ARRDC5: variants seen among roughly 807,000 people sequenced by gnomAD.
ARRDC5 encodes the protein arrestin domain-containing protein 5.
A neutral mutation model predicts 13.3 loss-of-function variants in ARRDC5; 12 were observed. The observed-to-expected ratio is 0.90, with a 90% CI of 0.58 to 1.46. The LOEUF is 1.46. ARRDC5 is among the 40% of genes most tolerant of loss of function. The probability of loss-of-function intolerance (pLI) is 0.00; values close to 1 mark genes in which losing one functional copy is unlikely to be tolerated. For synonymous variants in ARRDC5, 181 were observed against 173.4 expected (o/e 1.04, Z -0.34); for missense variants, 406 against 418.7 (o/e 0.97, Z 0.26).
chr19:4,907,337 T>C (rs1218651225), upstream of ARRDC5, among the ~76,000 whole-genome samples: 1 of 152,144 alleles, frequency 6.6e-6, no homozygotes, highest in African/African-American at 2.4e-5. Context: ...TGGCACGATC[T>C]CTGCTCACTG....
chr19:4,899,092 G>A (rs952048247), intron 1 of ARRDC5, among the ~76,000 whole-genome samples: 1 of 148,488 alleles, frequency 6.7e-6, no homozygotes, highest in Non-Finnish European at 1.5e-5. Context: ...GGCAGATCAC[G>A]AGGTCAGGAG....
At chr19:4,894,657 C>A (rs1405624842) in intron 2 of ARRDC5, among the ~76,000 whole-genome samples, 1 of 144,850 alleles carries the variant, frequency 6.9e-6, no homozygotes, top group Non-Finnish European at 1.5e-5. Flanking sequence ...GCCCTCCAGC[C>A]TGGGCGACAG....
chr19:4,914,397 CT>C, the ARRDC5 span, among the ~76,000 whole-genome samples: 3 of 151,552 alleles, frequency 2.0e-5, no homozygotes, highest in African/African-American at 7.3e-5. Context: ...TGTTCACAGT[CT>C]TTTTTTTTCC....
the ARRDC5 span, among the ~76,000 whole-genome samples, chr19:4,909,943 C>G: frequency 6.6e-6 from 1 of 150,824 alleles, no homozygotes; most frequent in Non-Finnish European, 1.5e-5. Context: ...CGCGCCTGCG[C>G]GCGGGGCGCC....
the ARRDC5 span, among the ~76,000 whole-genome samples, chr19:4,915,510 T>G: frequency 1.8e-3 from 277 of 152,216 alleles, no homozygotes; most frequent in Middle Eastern, 0.017. Flanking sequence ...GGTCAGGAGT[T>G]CTAGAACAGC....
At chr19:4,914,766 T>C in the ARRDC5 span, among the ~76,000 whole-genome samples, 1 of 151,980 alleles carries the variant, frequency 6.6e-6, no homozygotes, top group African/African-American at 2.4e-5. Flanking sequence ...TCAGCATCCC[T>C]GGCCCGCGAC....
upstream of ARRDC5, among the ~76,000 whole-genome samples, chr19:4,905,990 T>A (rs926014267): frequency 2.0e-5 from 3 of 152,178 alleles, no homozygotes; most frequent in African/African-American, 7.2e-5. Flanking sequence ...TTATTACTAT[T>A]TTTTGAGACA....
intron 1 of ARRDC5, 107 bp from the exon 2 acceptor site, chr19:4,896,983 G>A (rs2031760922): frequency 1.3e-6 from 1 of 743,276 alleles, no homozygotes; most frequent in Admixed American, 2.9e-5. Flanking sequence ...TTGAGACACG[G>A]TCTCACTCTG....
upstream of ARRDC5, chr19:4,903,186 C>T (rs2031983632): frequency 4.1e-6 from 1 of 241,374 alleles, no homozygotes; most frequent in African/African-American, 2.3e-5. Flanking sequence ...GCCAGCATGC[C>T]CAGCTAATTT....
At chr19:4,903,415 CA>C (rs1255580042), upstream of ARRDC5, 4 of 153,522 alleles carry the variant, frequency 2.6e-5, no homozygotes, top group African/African-American at 9.7e-5. Context: ...CGGGTTCAAG[CA>C]ATTCTCCTGC....
chr19:4,904,327 C>T (rs952126308), upstream of ARRDC5, among the ~76,000 whole-genome samples: 13 of 152,034 alleles, frequency 8.6e-5, no homozygotes, highest in Admixed American at 2.6e-4. Context: ...TACAGGCGTC[C>T]GCCACAAATG....
At chr19:4,913,123 G>A in the ARRDC5 span, among the ~76,000 whole-genome samples, 1 of 152,130 alleles carries the variant, frequency 6.6e-6, no homozygotes, top group Admixed American at 6.5e-5. Context: ...CTACATCCAT[G>A]CAACCCAAAA....
the ARRDC5 span, among the ~76,000 whole-genome samples, chr19:4,911,535 C>T: frequency 2.3e-3 from 354 of 152,248 alleles, 1 homozygote; most frequent in African/African-American, 8.1e-3. Flanking sequence ...CTGGAGATGG[C>T]GCTTGCTAAT....
chr19:4,901,985 C>G (rs916458157), intron 1 of ARRDC5, among the ~76,000 whole-genome samples: 4 of 152,116 alleles, frequency 2.6e-5, no homozygotes, highest in African/African-American at 9.7e-5. Context: ...TTCACGAGTT[C>G]AAGTGATTCT....
At chr19:4,914,295 G>A in the ARRDC5 span, among the ~76,000 whole-genome samples, 1 of 152,280 alleles carries the variant, frequency 6.6e-6, no homozygotes. Flanking sequence ...CCCAGAGCGT[G>A]AAGTCTGCAG....
chr19:4,899,225 T>A (rs147313454), intron 1 of ARRDC5, among the ~76,000 whole-genome samples: 13,108 of 150,232 alleles, frequency 0.087, 681 homozygotes, highest in Middle Eastern at 0.2. Context: ...GGCAGGAGAA[T>A]GGCGTGAACC....
rs1363683852 is a variant in ARRDC5, at chr19:4,902,663, C to T, written c.163G>A (p.Glu55Lys). ...VGRGYVEWSE[E>K]AGASCDYSRN... ...CTATAATCACAGGATGCCCCGGCTTCTTCACTCCATTCGACGTAACCCCTT... is the reference window on the plus strand; with the variant it reads ...CTATAATCACAGGATGCCCCGGCTTTTTCACTCCATTCGACGTAACCCCTT... The change falls in exon 1 of 3, where the codon GAA becomes AAA. Residue 55 changes from glutamate to lysine, a missense_variant. Physicochemically the swap from Glu to Lys is moderately conservative, Grantham distance 56. Transcript: ENST00000650722. The T allele has an allele frequency of 6.2e-7, 1 of 1,614,044 alleles. No individual in the cohort carries two copies. The highest frequency in any genetic ancestry group is 2.2e-5 in the East Asian group (1 of 44,886).
intron 1 of ARRDC5, among the ~76,000 whole-genome samples, 178 bp downstream of exon 1, chr19:4,902,395 T>C (rs1005005620): frequency 3.9e-5 from 6 of 152,198 alleles, no homozygotes; most frequent in African/African-American, 1.4e-4. Flanking sequence ...TGTCTTGTTA[T>C]TTTTGCGTTT....
At chr19:4,907,524 C>T (rs1201521492), upstream of ARRDC5, among the ~76,000 whole-genome samples, 1 of 152,056 alleles carries the variant, frequency 6.6e-6, no homozygotes, top group African/African-American at 2.4e-5. Context: ...CCTGCCTCGG[C>T]CTCCCAAAGT....
Sources: gnomAD v4.1 joint callset for allele counts (sites outside exome capture counted in the v4.1 genomes callset) on GRCh38, gnomAD v4.1.1 for gene constraint, MANE v1.5 for transcripts, NCBI Gene and HGNC (gene_info 2026-07-23, HGNC 2026-07-21) for gene names.